Variants in KNG1 observed in about 807,000 individuals in gnomAD.
The protein encoded by KNG1 is kininogen 1, also known as kininogen-1.
Under a neutral mutation model 47.8 loss-of-function variants are expected in KNG1, and 23 were observed. The observed-to-expected ratio is 0.48, with a 90% CI of 0.35 to 0.68. The LOEUF is 0.68. Among genes scored for constraint, KNG1 ranks in the 30% least tolerant of loss-of-function variants. The pLI, the probability that KNG1 is intolerant of heterozygous loss-of-function variation, is 0.01. For missense variants in KNG1, 762 were observed against 790.2 expected, an observed-to-expected ratio of 0.96 and a Z score of 0.43; for synonymous variants, 277 against 277.0, an observed-to-expected ratio of 1.00 and a Z score of 0.00.
chr3:186,725,273 A>G lies in KNG1; in HGVS notation c.564+13A>G, dbSNP rs371293420. 1 of 1,611,120 alleles carries G rather than the reference A, an allele frequency of 6.2e-7. No individual in the cohort carries two copies. The highest frequency in any genetic ancestry group is 8.5e-7 in the Non-Finnish European group (1 of 1,177,308). Reference sequence around the variant, plus strand: ...GGCCCAAAGACAGGTTTGTTCTTTAATTCTCTAAGTAGCACAGTATTACTA... The same window carrying G: ...GGCCCAAAGACAGGTTTGTTCTTTAGTTCTCTAAGTAGCACAGTATTACTA... On this transcript the variant is annotated intron_variant, in intron 4 of 9. Coordinates refer to ENST00000644859, the MANE Select transcript of KNG1 (RefSeq NM_001102416.3).
At chr3:186,732,097 C>T (rs569820306) in intron 6 of KNG1, among the ~76,000 whole-genome samples, 2 of 152,140 alleles carry the variant, frequency 1.3e-5, no homozygotes, top group Non-Finnish European at 2.9e-5. Flanking sequence ...GTGCTTTTCT[C>T]ATAGTTGGAA....
At position 186,741,832 on chromosome 3, in the gene KNG1, T is replaced by C; in HGVS notation, c.1436T>C (p.Leu479Pro). 6.2e-7 allele frequency: 1 copy of C among 1,613,724 alleles called. No individual in the cohort carries two copies. The highest frequency in any genetic ancestry group is 1.1e-5 in the South Asian group (1 of 91,020). The change falls in exon 10 of 10, where the codon CTT (leucine) becomes CCT (proline). Residue 479 changes from leucine to proline, a missense_variant. Physicochemically the swap from Leu to Pro is moderately conservative, Grantham distance 98. Transcript: ENST00000644859. ...CTTGGTCATGGACATAAGTTCAAAC[T>C]TGATGATGATCTTGAACACCAAGGG... ...HGLGHGHKFK[L>P]DDDLEHQGGH...
At chr3:186,727,195 G>T in intron 4 of KNG1, 42 bp from the exon 5 acceptor site, 1 of 1,339,176 alleles carries the variant, frequency 7.5e-7, no homozygotes, top group Non-Finnish European at 1.1e-6. Context: ...AGCGAATAAT[G>T]TTTAAACTGC....
intron 9 of KNG1, among the ~76,000 whole-genome samples, chr3:186,741,125 C>G (rs1655498975): frequency 6.6e-6 from 1 of 152,042 alleles, no homozygotes; most frequent in Non-Finnish European, 1.5e-5. Flanking sequence ...TCCTGAGTAG[C>G]TGGGATTACA....
At position 186,743,635 on chromosome 3, in the gene KNG1, C is replaced by T. The variant is rs1450534522; in HGVS notation, c.*1304C>T. 18 of 1,133,806 alleles carry T rather than the reference C, an allele frequency of 1.6e-5. No individual in the cohort carries two copies. In the Admixed American group the frequency reaches 1.6e-4, roughly 10 times the overall value. 70.2% of individuals were successfully genotyped at this position (1,133,806 alleles called of 1,614,324 possible). On this transcript the variant is annotated 3_prime_UTR_variant, in exon 10 of 10. Transcript: ENST00000644859. ...TCAGGAAAAAGTCTTACCTTGTCAA[C>T]TGGTTGCTCCACTTTTTAAAAATGA...
rs1470600234 is a variant in KNG1 at position 186,717,751 on chromosome 3, G to T, written c.195+14G>T. On this transcript the variant is annotated intron_variant, in intron 1 of 9. Transcript: ENST00000644859. ...GCCACTAAGACGGTGAGTGAATTGT[G>T]TTTAACCTTGAAGTCACTTGGGATT... The T allele has an allele frequency of 6.2e-7, 1 of 1,600,302 alleles. No individual in the cohort carries two copies. Among genetic ancestry groups the T allele is most frequent in the East Asian group, 2.2e-5 (1 of 44,828 alleles).
chr3:186,727,042 T>G (rs62294376), intron 4 of KNG1, among the ~76,000 whole-genome samples, 195 bp from the exon 5 acceptor site: 2,526 of 143,938 alleles, frequency 0.018, 62 homozygotes, highest in African/African-American at 0.058. Context: ...GTGTGTGTGT[T>G]TGTGTGAGAG....
At chr3:186,722,570 C>A in intron 3 of KNG1, 49 bp downstream of exon 3, 1 of 1,398,046 alleles carries the variant, frequency 7.2e-7, no homozygotes, top group Non-Finnish European at 1.0e-6. Flanking sequence ...TTAACCATTT[C>A]TGTGAGCCAG....
intron 2 of KNG1, chr3:186,720,511 G>T: frequency 2.9e-6 from 1 of 339,342 alleles, no homozygotes; most frequent in East Asian, 6.5e-5. Flanking sequence ...TTTGGGCCAA[G>T]CCAAAGAGCT....
intron 3 of KNG1, 86 bp from the exon 4 acceptor site, chr3:186,725,002 C>T (rs940720123): frequency 1.2e-5 from 17 of 1,455,012 alleles, no homozygotes; most frequent in South Asian, 2.4e-5. Context: ...TGAGCCACCA[C>T]GCCCAGCCTC....
At chr3:186,729,548 ATAT>A (rs1400183507) in intron 5 of KNG1, among the ~76,000 whole-genome samples, 1 of 152,238 alleles carries the variant, frequency 6.6e-6, no homozygotes, top group African/African-American at 2.4e-5. Flanking sequence ...AAGCTTGAAA[ATAT>A]TATGTTAAGT....
At chr3:186,721,265 C>T (rs944200609) in intron 2 of KNG1, 3 of 152,168 alleles carry the variant, frequency 2.0e-5, no homozygotes, top group African/African-American at 7.2e-5. Flanking sequence ...TTTTGCAGTG[C>T]TGGTTCTCCC....
Position 186,743,957 on chromosome 3 carries a change from C to G in KNG1, c.*1626C>G. 1.5e-6 allele frequency: 1 copy of G among 667,078 alleles called. No individual in the cohort carries two copies. The highest frequency in any genetic ancestry group is 2.7e-6 in the Non-Finnish European group (1 of 364,934). The allele number at this position is 667,078 out of a possible 1,614,324, so 41.3% of individuals were successfully genotyped here. ...CAGTCTTGATGTTCTAACTCTAATT[C>G]ACAGTGGTCTCCTTTCAGCCCTACC... is the stretch of plus-strand genomic sequence containing the variant. On this transcript the variant is annotated 3_prime_UTR_variant, in exon 10 of 10. Transcript: ENST00000644859.
rs967985548 is a variant in KNG1 at position 186,742,416 on chromosome 3, A to T, written c.*85A>T. ...ATTGTCCAGATGAAAATATCCTGAT[A>T]TAATGCACCAAAAACCATGCAGCTT... On this transcript the variant is annotated 3_prime_UTR_variant, in exon 10 of 10. Transcript: ENST00000644859. The T allele has an allele frequency of 2.5e-6, 4 of 1,585,740 alleles. No individual in the cohort carries two copies. The highest frequency in any genetic ancestry group is 3.4e-6 in the Non-Finnish European group (4 of 1,172,426).
chr3:186,723,872 T>G (rs1227051219), intron 3 of KNG1, among the ~76,000 whole-genome samples: 2 of 152,180 alleles, frequency 1.3e-5, no homozygotes, highest in African/African-American at 4.8e-5. Context: ...CAGGCTGGTC[T>G]CGAACTCCTG....
In KNG1 at chr3:186,741,991, C is replaced by T. The variant is rs1477849508; in HGVS notation, c.1595C>T (p.Thr532Ile). The T allele has an allele frequency of 5.0e-6, 8 of 1,614,100 alleles. No individual in the cohort carries two copies. Among genetic ancestry groups the T allele is most frequent in the South Asian group, 3.3e-5 (3 of 91,084 alleles). ...TTGGCAAGCTCTTCTGAAGACAGTACTACACCTTCTGCACAGACACAAGAG... is the reference window on the plus strand; with the variant it reads ...TTGGCAAGCTCTTCTGAAGACAGTATTACACCTTCTGCACAGACACAAGAG... ...EHLASSSEDS[T>I]TPSAQTQEKT... Residue 532 changes from threonine (T) to isoleucine (I), a missense_variant, in exon 10 of 10, where the codon ACT becomes ATT. By Grantham distance (89) the Thr-to-Ile change is moderately conservative (BLOSUM62 -1). Transcript: ENST00000644859.
intron 7 of KNG1, among the ~76,000 whole-genome samples, chr3:186,733,638 T>C (rs1313190934): frequency 6.6e-6 from 1 of 152,168 alleles, no homozygotes; most frequent in Non-Finnish European, 1.5e-5. Flanking sequence ...TCTAAGCCTT[T>C]GTGGCCCCGT....
rs1720320293 is a variant in KNG1, at chr3:186,725,136, A to C, written c.440A>C (p.His147Pro). 6.2e-7 allele frequency: 1 copy of C among 1,614,142 alleles called. No individual in the cohort carries two copies. Among genetic ancestry groups the C allele is most frequent in the African/African-American group, 1.3e-5 (1 of 75,028 alleles). The change falls in exon 4 of 10, where the codon CAT becomes CCT. Residue 147 changes from histidine to proline, a missense_variant. Transcript: ENST00000644859. Reference sequence around the variant, plus strand: ...CAGTACGACTGCCTCGGCTGTGTGCATCCTATATCAACGCAGAGCCCAGAC... The same window carrying C: ...CAGTACGACTGCCTCGGCTGTGTGCCTCCTATATCAACGCAGAGCCCAGAC... ...TAQYDCLGCV[H>P]PISTQSPDLE...
chr3:186,735,622 A>G (rs1191515096), intron 7 of KNG1, among the ~76,000 whole-genome samples: 1 of 149,500 alleles, frequency 6.7e-6, no homozygotes, highest in African/African-American at 2.4e-5. Context: ...CCATCTCAAA[A>G]AATAATAAAA....
Sources: gnomAD v4.1 joint callset for allele counts (sites outside exome capture counted in the v4.1 genomes callset) on GRCh38, gnomAD v4.1.1 for gene constraint, MANE v1.5 for transcripts, NCBI Gene and HGNC (gene_info 2026-07-23, HGNC 2026-07-21) for gene names.